Variants in ABCB4 observed in about 807,000 individuals in gnomAD.
ABCB4 encodes phosphatidylcholine translocator ABCB4.
Under a neutral mutation model 145.7 loss-of-function variants are expected in ABCB4, and 76 were observed. The observed-to-expected ratio is 0.52, with a 90% CI of 0.43 to 0.63. The LOEUF is 0.63. ABCB4 is among the 30% of genes least tolerant of loss of function. The pLI, the probability that ABCB4 is intolerant of heterozygous loss-of-function variation, is 0.00. For synonymous variants in ABCB4, 517 were observed against 566.8 expected, an observed-to-expected ratio of 0.91 and a Z score of 1.25; for missense variants, 1,234 against 1,553.1, an observed-to-expected ratio of 0.79 and a Z score of 3.45.
chr7:87,442,432 T>G (rs1811051417), intron 12 of ABCB4, among the ~76,000 whole-genome samples: 1 of 152,186 alleles, frequency 6.6e-6, no homozygotes, highest in African/African-American at 2.4e-5. Context: ...TTCACAATTA[T>G]TGAATTATAA....
At chr7:87,429,356 G>A (rs1810048640) in intron 15 of ABCB4, among the ~76,000 whole-genome samples, 1 of 152,210 alleles carries the variant, frequency 6.6e-6, no homozygotes, top group African/African-American at 2.4e-5. Flanking sequence ...TTGGTTAAAT[G>A]ACTTGCTCAA....
chr7:87,393,120 C>G, the ABCB4 span: 1 of 1,567,604 alleles, frequency 6.4e-7, no homozygotes, highest in Non-Finnish European at 8.6e-7. Context: ...AAAGGTATTA[C>G]TTTTGTTTTT....
Position 87,423,980 on chromosome 7 carries a change from C to A in ABCB4, c.2137G>T (p.Val713Leu), listed in dbSNP as rs373122168. 1.9e-6 allele frequency: 3 copies of A among 1,613,946 alleles called. No individual in the cohort carries two copies. In the African/African-American group the frequency reaches 4.0e-5, roughly 22 times the overall value. The change falls in exon 17 of 28, where the codon GTG (valine) becomes TTG (leucine). Residue 713 changes from valine to leucine, a missense_variant. Physicochemically the swap from Val to Leu is conservative, Grantham distance 32. Coordinates refer to ENST00000649586, the MANE Select transcript of ABCB4 (RefSeq NM_000443.4). Reference sequence around the variant, plus strand: ...TTGGCAATGGCACATACTGTTCCCACGACAAAGTAGGGCCATTCTGTTTTA... The same window carrying A: ...TTGGCAATGGCACATACTGTTCCCAAGACAAAGTAGGGCCATTCTGTTTTA... ...LNKTEWPYFV[V>L]GTVCAIANGG...
At chr7:87,375,599 C>T in the ABCB4 span, 1 of 1,524,908 alleles carries the variant, frequency 6.6e-7, no homozygotes, top group Non-Finnish European at 9.1e-7. Context: ...TCTGCCTGTA[C>T]TCTTTTTTAA....
Position 87,475,660 on chromosome 7 carries a change from G to T in ABCB4, c.-33C>A, listed in dbSNP as rs1813764006. Reference sequence around the variant, plus strand: ...TCGAACCTCGCGCGTGTCTGGCAGGGCCTCTGGACGCGCGGGCGCTGCAGC... The same window carrying T: ...TCGAACCTCGCGCGTGTCTGGCAGGTCCTCTGGACGCGCGGGCGCTGCAGC... On this transcript the variant is annotated 5_prime_UTR_variant, in exon 1 of 28. Coordinates refer to ENST00000649586, the MANE Select transcript of ABCB4 (RefSeq NM_000443.4). 1 of 622,644 alleles carries T rather than the reference G, an allele frequency of 1.6e-6. No homozygotes were observed. The highest frequency in any genetic ancestry group is 2.7e-5 in the Admixed American group (1 of 37,096). The allele number at this position is 622,644 out of a possible 1,614,324, so 38.6% of individuals were successfully genotyped here.
chr7:87,414,745 A>C (rs1473086409), intron 21 of ABCB4, among the ~76,000 whole-genome samples: 1 of 152,286 alleles, frequency 6.6e-6, no homozygotes, highest in South Asian at 2.1e-4. Context: ...TTGAGACTGA[A>C]TAACCATAGA....
chr7:87,452,477 A>G (rs1029618865), intron 6 of ABCB4: 5 of 177,486 alleles, frequency 2.8e-5, no homozygotes, highest in African/African-American at 1.2e-4. Context: ...CTGGAATGTA[A>G]GCACCAAAAG....
chr7:87,424,271 T>A (rs578086813), intron 16 of ABCB4, among the ~76,000 whole-genome samples: 3 of 152,300 alleles, frequency 2.0e-5, no homozygotes, highest in East Asian at 3.9e-4. Context: ...GGCCAAGAAA[T>A]AACCTTCATG....
the ABCB4 span, among the ~76,000 whole-genome samples, chr7:87,376,383 T>C: frequency 6.6e-6 from 1 of 152,072 alleles, no homozygotes; most frequent in Non-Finnish European, 1.5e-5. Flanking sequence ...TTGTAAGTCA[T>C]TTATTTTATC....
At chr7:87,402,379 G>T in intron 27 of ABCB4, 77 bp from the exon 28 acceptor site, 1 of 1,529,178 alleles carries the variant, frequency 6.5e-7, no homozygotes. Flanking sequence ...ATTTGAAAAT[G>T]TTACCTTTCT....
chr7:87,377,546 A>T, the ABCB4 span: 1 of 698,248 alleles, frequency 1.4e-6, no homozygotes, highest in African/African-American at 1.8e-5. Context: ...GTGTAAGTGA[A>T]TAGTAATTTA....
At chr7:87,460,518 C>A (rs543056532) in intron 4 of ABCB4, among the ~76,000 whole-genome samples, 4 of 152,244 alleles carry the variant, frequency 2.6e-5, no homozygotes, top group Admixed American at 6.5e-5. Flanking sequence ...TTAGCTCCCA[C>A]TTATAAGTGA....
chr7:87,392,738 C>G, the ABCB4 span: 2 of 1,613,238 alleles, frequency 1.2e-6, no homozygotes, highest in South Asian at 2.2e-5. Flanking sequence ...AGGATTTGAT[C>G]GTCACCTTTT....
chr7:87,433,122 AGGT>A (rs1484269055), intron 14 of ABCB4, among the ~76,000 whole-genome samples: 1 of 152,202 alleles, frequency 6.6e-6, no homozygotes, highest in Non-Finnish European at 1.5e-5. Flanking sequence ...GGTAAAGAAA[AGGT>A]GAATTATACA....
At chr7:87,390,490 C>T in the ABCB4 span, among the ~76,000 whole-genome samples, 1 of 152,124 alleles carries the variant, frequency 6.6e-6, no homozygotes, top group East Asian at 1.9e-4. Flanking sequence ...CTCCTTCACA[C>T]TTTGAAGGGA....
At chr7:87,400,369 A>T (rs990395644), downstream of ABCB4, among the ~76,000 whole-genome samples, 2 of 152,216 alleles carry the variant, frequency 1.3e-5, no homozygotes, top group Non-Finnish European at 2.9e-5. Flanking sequence ...CATCCCTTTT[A>T]AGAAACATGT....
At chr7:87,468,791 C>T (rs1208498997) in intron 3 of ABCB4, among the ~76,000 whole-genome samples, 11 of 151,824 alleles carry the variant, frequency 7.2e-5, no homozygotes, top group African/African-American at 2.4e-4. Flanking sequence ...ACTAGCCAGG[C>T]GTGGTGGTGG....
chr7:87,453,648 C>T (rs767471676), intron 5 of ABCB4, among the ~76,000 whole-genome samples: 17 of 152,094 alleles, frequency 1.1e-4, no homozygotes, highest in Non-Finnish European at 8.8e-5. Context: ...AATCTATTTA[C>T]TTGAACTGTT....
At chr7:87,373,071 G>A in the ABCB4 span, among the ~76,000 whole-genome samples, 102 of 152,146 alleles carry the variant, frequency 6.7e-4, no homozygotes, top group Middle Eastern at 3.4e-3. Context: ...CCAAAATGGC[G>A]CAGTATATTA....
Sources: gnomAD v4.1 joint callset for allele counts (sites outside exome capture counted in the v4.1 genomes callset) on GRCh38, gnomAD v4.1.1 for gene constraint, MANE v1.5 for transcripts, NCBI Gene and HGNC (gene_info 2026-07-23, HGNC 2026-07-21) for gene names.